Variants in FOXO1 observed in about 807,000 individuals in gnomAD.
FOXO1 encodes forkhead box O1.
Under a neutral mutation model 44.1 loss-of-function variants are expected in FOXO1, and 6 were observed. That is an observed-to-expected ratio of 0.14 (90% CI 0.07 to 0.27). The LOEUF (loss-of-function observed/expected upper bound fraction) is 0.27. Among genes scored for constraint, FOXO1 ranks in the 10% least tolerant of loss-of-function variants. FOXO1 has a pLI of 1.00. For missense variants in FOXO1, 737 were observed against 888.8 expected (o/e 0.83, Z 2.17); for synonymous variants, 380 against 362.7 (o/e 1.05, Z -0.54).
intron 1 of FOXO1, among the ~76,000 whole-genome samples, chr13:40,563,883 T>C (rs1078892): frequency 0.19 from 29,370 of 152,108 alleles, 2,975 homozygotes; most frequent in South Asian, 0.29. Flanking sequence ...AGCACTGGAA[T>C]GCAGCCCTGC....
At chr13:40,649,931 C>T (rs537979105) in intron 1 of FOXO1, among the ~76,000 whole-genome samples, 14 of 152,338 alleles carry the variant, frequency 9.2e-5, no homozygotes, top group African/African-American at 1.9e-4. Flanking sequence ...GGGTCCCAAT[C>T]CAGACCTCAA....
chr13:40,557,101 T>C lies in FOXO1; in HGVS notation c.*1948A>G, dbSNP rs1290949280. On this transcript the variant is annotated 3_prime_UTR_variant, in exon 3 of 3. Transcript: ENST00000379561. ...CTGTAGGAAATCTTATCAGGAACAC[T>C]TGTGTTCTTGTTAAACATTTAGGAA... 6.6e-6 allele frequency: 1 copy of C among 152,216 alleles called. No homozygotes were observed. Among genetic ancestry groups the C allele is most frequent in the Non-Finnish European group, 1.5e-5 (1 of 68,042 alleles). 9.4% of individuals were successfully genotyped at this position (152,216 alleles called of 1,614,324 possible).
In FOXO1 at chr13:40,558,243, A is replaced by G. The variant is rs926628342; in HGVS notation, c.*806T>C. 6.5e-6 allele frequency: 1 copy of G among 152,684 alleles called. No homozygotes were observed. The highest frequency in any genetic ancestry group is 2.4e-5 in the African/African-American group (1 of 41,480). 9.5% of individuals were successfully genotyped at this position (152,684 alleles called of 1,614,324 possible). ...AAGTAGACTCTAGTTTTAAGAAAAC[A>G]TTATTACAGTTCAATATCTATTCCA... is the stretch of plus-strand genomic sequence containing the variant. On this transcript the variant is annotated 3_prime_UTR_variant, in exon 3 of 3. Coordinates refer to ENST00000379561, the MANE Select transcript of FOXO1 (RefSeq NM_002015.4).
chr13:40,652,283 G>A (rs550434535), intron 1 of FOXO1, among the ~76,000 whole-genome samples: 1 of 151,676 alleles, frequency 6.6e-6, no homozygotes, highest in Non-Finnish European at 1.5e-5. Flanking sequence ...TAACAAACTG[G>A]TGATTCTTTT....
At chr13:40,626,987 A>T (rs1016148977) in intron 1 of FOXO1, among the ~76,000 whole-genome samples, 5 of 152,264 alleles carry the variant, frequency 3.3e-5, no homozygotes, top group African/African-American at 1.2e-4. Flanking sequence ...AAATGTATGC[A>T]TAACAATTCC....
chr13:40,607,362 T>C (rs942228434), intron 1 of FOXO1, among the ~76,000 whole-genome samples: 3 of 152,232 alleles, frequency 2.0e-5, no homozygotes, highest in Admixed American at 6.5e-5. Flanking sequence ...CAGAAAGCTG[T>C]CCATCCTAGG....
chr13:40,631,200 T>C (rs1876951283), intron 1 of FOXO1, among the ~76,000 whole-genome samples: 2 of 152,214 alleles, frequency 1.3e-5, no homozygotes, highest in Non-Finnish European at 2.9e-5. Context: ...AAAGTATTTA[T>C]GCTGCAACTT....
chr13:40,593,885 G>C (rs1462824199), intron 1 of FOXO1, among the ~76,000 whole-genome samples: 2 of 152,126 alleles, frequency 1.3e-5, no homozygotes, highest in Non-Finnish European at 2.9e-5. Context: ...GACATTTTAA[G>C]CCACCCTGTC....
intron 1 of FOXO1, among the ~76,000 whole-genome samples, chr13:40,634,827 AC>A (rs938186095): frequency 2.6e-5 from 4 of 151,872 alleles, no homozygotes; most frequent in African/African-American, 9.7e-5. Flanking sequence ...ACAGGTGCCC[AC>A]CACCCCGCCC....
chr13:40,642,188 GCTT>G (rs1213740137), intron 1 of FOXO1, among the ~76,000 whole-genome samples: 1 of 152,112 alleles, frequency 6.6e-6, no homozygotes, highest in African/African-American at 2.4e-5. Context: ...ATAAATATCA[GCTT>G]CTTTTTTGTA....
intron 1 of FOXO1, among the ~76,000 whole-genome samples, chr13:40,646,539 T>C (rs1257735995): frequency 6.6e-6 from 1 of 152,108 alleles, no homozygotes; most frequent in Non-Finnish European, 1.5e-5. Flanking sequence ...CTTAACCAAT[T>C]TCCCTCCGCT....
chr13:40,575,680 G>A (rs938593438), intron 1 of FOXO1, among the ~76,000 whole-genome samples: 2 of 152,086 alleles, frequency 1.3e-5, no homozygotes, highest in African/African-American at 4.8e-5. Context: ...AATTTTCAAT[G>A]AACAATTATT....
rs1451772263 is a variant in FOXO1, at chr13:40,557,864, G to A, written c.*1185C>T. 6.6e-6 allele frequency: 1 copy of A among 152,204 alleles called. No individual in the cohort carries two copies. The highest frequency in any genetic ancestry group is 2.1e-4 in the South Asian group (1 of 4,834). The allele number at this position is 152,204 out of a possible 1,614,324, so 9.4% of individuals were successfully genotyped here. A position where few individuals can be genotyped will look rare whatever the true frequency, so the allele number is the denominator to read the frequency against. ...TATGAGGCCTCCCAGGACTACAGAGGTCTCTAGAGAAGACTTGATGCTATG... is the reference window on the plus strand; with the variant it reads ...TATGAGGCCTCCCAGGACTACAGAGATCTCTAGAGAAGACTTGATGCTATG... On this transcript the variant is annotated 3_prime_UTR_variant, in exon 3 of 3. Transcript: ENST00000379561.
intron 1 of FOXO1, among the ~76,000 whole-genome samples, chr13:40,660,860 T>C (rs1302135208): frequency 6.6e-6 from 1 of 152,098 alleles, no homozygotes; most frequent in African/African-American, 2.4e-5. Context: ...GAGGATCACT[T>C]GAGCCAGGGG....
At chr13:40,594,924 C>T (rs1875519496) in intron 1 of FOXO1, among the ~76,000 whole-genome samples, 1 of 152,072 alleles carries the variant, frequency 6.6e-6, no homozygotes, top group South Asian at 2.1e-4. Context: ...TGGGCTCAAG[C>T]GACCCTCCTA....
intron 1 of FOXO1, among the ~76,000 whole-genome samples, chr13:40,637,060 T>C (rs369759635): frequency 6.6e-6 from 1 of 152,130 alleles, no homozygotes; most frequent in East Asian, 1.9e-4. Context: ...CATTCACAAG[T>C]GGAGGAAGGT....
intron 1 of FOXO1, among the ~76,000 whole-genome samples, chr13:40,626,369 A>C (rs1876785706): frequency 6.6e-6 from 1 of 152,258 alleles, no homozygotes; most frequent in Non-Finnish European, 1.5e-5. Context: ...AGTGATAAAC[A>C]GTTTACAACA....
At chr13:40,628,157 C>A (rs1443135658) in intron 1 of FOXO1, among the ~76,000 whole-genome samples, 3 of 151,968 alleles carry the variant, frequency 2.0e-5, no homozygotes, top group Admixed American at 1.3e-4. Context: ...TTCAAACTTA[C>A]CACTTGAAAA....
intron 1 of FOXO1, among the ~76,000 whole-genome samples, chr13:40,640,072 C>A (rs1050521633): frequency 3.3e-5 from 5 of 152,198 alleles, no homozygotes; most frequent in Non-Finnish European, 5.9e-5. Flanking sequence ...CCTCTGCCCC[C>A]ACAGGGCCAT....
Sources: gnomAD v4.1 joint callset for allele counts (sites outside exome capture counted in the v4.1 genomes callset) on GRCh38, gnomAD v4.1.1 for gene constraint, MANE v1.5 for transcripts, NCBI Gene and HGNC (gene_info 2026-07-23, HGNC 2026-07-21) for gene names.